MACF1: variants seen among roughly 807,000 people sequenced by gnomAD.
MACF1 encodes microtubule-actin cross-linking factor 1.
In MACF1, 193 loss-of-function variants were observed where a neutral mutation model predicts 854.8. The observed-to-expected ratio is 0.23, with a 90% confidence interval of 0.20 to 0.25. The LOEUF is 0.25. Ranked by LOEUF, MACF1 falls within the 10% of genes least tolerant of loss-of-function variation. The probability of loss-of-function intolerance (pLI) is 1.00; values close to 1 mark genes in which losing one functional copy is unlikely to be tolerated. For synonymous variants in MACF1, 3,185 were observed against 3,226.7 expected (o/e 0.99, Z 0.44); for missense variants, 7,722 against 8,929.1 (o/e 0.86, Z 5.45).
chr1:39,478,671 A>G (rs1275480812), intron 97 of MACF1, among the ~76,000 whole-genome samples: 4 of 152,210 alleles, frequency 2.6e-5, no homozygotes. Context: ...GATTCTACCA[A>G]AATTCCTCAA....
chr1:39,475,892 A>G (rs1273798023), intron 97 of MACF1, among the ~76,000 whole-genome samples: 2 of 152,232 alleles, frequency 1.3e-5, no homozygotes, highest in Non-Finnish European at 2.9e-5. Context: ...GACTGTGGAC[A>G]GACCCAGCAG....
intron 2 of MACF1, among the ~76,000 whole-genome samples, chr1:39,197,217 T>C (rs568125796): frequency 5.3e-5 from 8 of 151,774 alleles, no homozygotes; most frequent in Non-Finnish European, 1.2e-4. Context: ...AACATACATA[T>C]ATATAATAAA....
At chr1:39,147,745 C>T (rs1487583475) in intron 2 of MACF1, among the ~76,000 whole-genome samples, 1 of 152,136 alleles carries the variant, frequency 6.6e-6, no homozygotes, top group Non-Finnish European at 1.5e-5. Flanking sequence ...GGATTATAAG[C>T]ATGAGCCACC....
Position 39,428,062 on chromosome 1 carries a change from G to C in MACF1, c.16578G>C (p.Val5526=). The C allele has an allele frequency of 6.2e-7, 1 of 1,614,190 alleles. No homozygotes were observed. The highest frequency in any genetic ancestry group is 8.5e-7 in the Non-Finnish European group (1 of 1,180,032). The change falls in exon 63 of 101, where the codon GTG becomes GTC. Residue 5526 remains valine, a synonymous_variant. Coordinates refer to ENST00000564288, the MANE Select transcript of MACF1 (RefSeq NM_001394062.1). ...SSLTSPAEQG[V]LSEKIDSLQA... is the part of the protein sequence containing the mutation. ...TGACATCTCCTGCAGAACAGGGTGT[G>C]CTGTCAGAAAAGATAGACTCATTGC...
At chr1:39,447,282 A>G (rs1390837376) in intron 80 of MACF1, 150 bp from the exon 81 acceptor site, 37 of 708,368 alleles carry the variant, frequency 5.2e-5, no homozygotes, top group Non-Finnish European at 7.4e-5. Flanking sequence ...CTTCTTTACA[A>G]ATAAAGCATG....
chr1:39,340,710 T>C lies in MACF1; in HGVS notation c.10424T>C (p.Ile3475Thr). 6.2e-7 allele frequency: 1 copy of C among 1,614,022 alleles called. No homozygotes were observed. Among genetic ancestry groups the C allele is most frequent in the South Asian group, 1.1e-5 (1 of 91,042 alleles). ...RLLHFQNAVE[I>T]EKTKVLNQHT... ...CTCCACTTCCAGAATGCTGTGGAAA[T>C]AGAAAAGGTAGCATTTTGCTTTTAT... is the stretch of plus-strand genomic sequence containing the variant. Residue 3475 changes from isoleucine (I) to threonine (T), a missense_variant, in exon 39 of 101, where the codon ATA becomes ACA. By Grantham distance (89) the Ile-to-Thr change is moderately conservative. This residue lies in a region of MACF1 where 854 missense variants were observed against 852.6 expected (regional missense o/e 1.00). Coordinates refer to ENST00000564288, the MANE Select transcript of MACF1 (RefSeq NM_001394062.1).
intron 89 of MACF1, among the ~76,000 whole-genome samples, chr1:39,456,428 A>G (rs1161720927): frequency 6.6e-6 from 1 of 152,228 alleles, no homozygotes; most frequent in East Asian, 1.9e-4. Context: ...TTTGAGTTAG[A>G]TGATTTTGCC....
chr1:39,115,387 G>A (rs1039197538), intron 2 of MACF1, among the ~76,000 whole-genome samples: 1 of 152,142 alleles, frequency 6.6e-6, no homozygotes, highest in African/African-American at 2.4e-5. Flanking sequence ...TGGTATATGA[G>A]GGGGAGAGGG....
intron 19 of MACF1, 30 bp downstream of exon 19, chr1:39,295,180 A>T: frequency 6.5e-7 from 1 of 1,539,830 alleles, no homozygotes; most frequent in Non-Finnish European, 9.0e-7. Flanking sequence ...GTGAAGGTCA[A>T]ATGCTGAGAG....
Position 39,428,163 on chromosome 1 carries a change from G to C in MACF1, c.16679G>C (p.Arg5560Thr). Residue 5560 changes from arginine to threonine, a missense_variant, in exon 63 of 101, where the codon AGG (arginine) becomes ACG (threonine). Physicochemically the swap from Arg to Thr is moderately conservative, Grantham distance 71. Around this residue, in one of 15 missense-constraint regions of MACF1, gnomAD observed 2,807 missense variants for 3,235.8 expected, o/e 0.87. Transcript: ENST00000564288. ...ALLDQALSNARLFGEDEVEVL... is the reference protein window; with the variant it reads ...ALLDQALSNATLFGEDEVEVL... Reference sequence around the variant, plus strand: ...CTTGACCAAGCTCTGTCTAATGCTAGGCTGTTTGGGGAGGATGAGGTGGAG... The same window carrying C: ...CTTGACCAAGCTCTGTCTAATGCTACGCTGTTTGGGGAGGATGAGGTGGAG... 6.2e-7 allele frequency: 1 copy of C among 1,614,180 alleles called. No individual in the cohort carries two copies. Among genetic ancestry groups the C allele is most frequent in the South Asian group, 1.1e-5 (1 of 91,086 alleles).
At chr1:39,321,772 T>G (rs1284721637) in intron 31 of MACF1, among the ~76,000 whole-genome samples, 1 of 152,240 alleles carries the variant, frequency 6.6e-6, no homozygotes, top group Non-Finnish European at 1.5e-5. Flanking sequence ...CTGAATCAGA[T>G]TCTGCATTTT....
chr1:39,228,872 T>C (rs1644747214), intron 1 of MACF1, among the ~76,000 whole-genome samples: 1 of 152,322 alleles, frequency 6.6e-6, no homozygotes, highest in East Asian at 1.9e-4. Flanking sequence ...CAGGCTGGTC[T>C]TGAACTCCCC....
chr1:39,249,378 A>G (rs554075432), intron 2 of MACF1, among the ~76,000 whole-genome samples: 70 of 152,308 alleles, frequency 4.6e-4, no homozygotes, highest in African/African-American at 1.4e-3. Flanking sequence ...TAATAATACT[A>G]CTTACCTTAG....
At chr1:39,355,504 G>A (rs1647475448) in intron 44 of MACF1, among the ~76,000 whole-genome samples, 1 of 109,642 alleles carries the variant, frequency 9.1e-6, no homozygotes, top group East Asian at 2.9e-4. Flanking sequence ...GTCTCACTCT[G>A]TCACCAGGCT....
chr1:39,374,966 C>T (rs548690846), intron 52 of MACF1, among the ~76,000 whole-genome samples: 7 of 152,028 alleles, frequency 4.6e-5, no homozygotes, highest in African/African-American at 1.7e-4. Flanking sequence ...AAAAGTTAGC[C>T]AGGTGTGGTG....
Position 39,361,782 on chromosome 1 carries a change from AC to A in MACF1, c.12771+107del, listed in dbSNP as rs1454964270. 3 of 1,046,698 alleles carry A rather than the reference AC, an allele frequency of 2.9e-6. No homozygotes were observed. The African/African-American group carries it at 4.8e-5, about 17-fold the overall frequency. The allele number at this position is 1,046,698 out of a possible 1,614,324, so 64.8% of individuals were successfully genotyped here. A position where few individuals can be genotyped will look rare whatever the true frequency, so the allele number is the denominator to read the frequency against. On this transcript the variant is annotated intron_variant, in intron 49 of 100. Transcript: ENST00000564288. ...TACATCAGTCAGTATACTGGAAACT[AC>A]CTGCATTATCTTTGGGAATTATTAC...
At chr1:39,459,781 A>G (rs1553440907) in intron 91 of MACF1, 18 of 1,289,174 alleles carry the variant, frequency 1.4e-5, no homozygotes, top group Non-Finnish European at 1.6e-5. Flanking sequence ...ACAAGCCTCT[A>G]ATATCTTTTG....
chr1:39,305,716 A>C (rs1429931792), intron 23 of MACF1, among the ~76,000 whole-genome samples: 1 of 152,150 alleles, frequency 6.6e-6, no homozygotes, highest in Non-Finnish European at 1.5e-5. Context: ...CTCTGAACTC[A>C]TCCTCTGCTA....
At chr1:39,411,562 A>G in intron 58 of MACF1, 2 of 1,613,926 alleles carry the variant, frequency 1.2e-6, no homozygotes, top group Non-Finnish European at 1.7e-6. Context: ...TGAGGTGGCA[A>G]ACAGAACTGC....
Sources: gnomAD v4.1 joint callset for allele counts (sites outside exome capture counted in the v4.1 genomes callset) on GRCh38, gnomAD v4.1.1 for gene constraint, gnomAD v4.1.1 regional missense constraint, MANE v1.5 for transcripts, NCBI Gene and HGNC (gene_info 2026-07-23, HGNC 2026-07-21) for gene names.